The following PRELID2 variants were observed in gnomAD, a reference collection of about 807,000 sequenced individuals.
PRELID2 encodes the protein PRELI domain containing 2, also known as PRELI domain-containing protein 2.
PRELID2 carries 25 observed loss-of-function variants against 28.4 expected under a neutral mutation model. That is an observed-to-expected ratio of 0.88 (90% CI 0.64 to 1.23). PRELID2 has a LOEUF of 1.23. Among genes scored for constraint, PRELID2 ranks in the 50% most tolerant of loss-of-function variants. The pLI is 0.00. For missense variants in PRELID2, 201 were observed against 214.4 expected (o/e 0.94, Z 0.39); for synonymous variants, 76 against 71.6 (o/e 1.06, Z -0.31).
chr5:145,239,107 G>A, the PRELID2 span, among the ~76,000 whole-genome samples: 6 of 151,984 alleles, frequency 3.9e-5, no homozygotes, highest in East Asian at 1.2e-3. Flanking sequence ...TGAGCTCTAC[G>A]AGGGCAAGTA....
the PRELID2 span, among the ~76,000 whole-genome samples, chr5:145,380,844 C>T: frequency 6.6e-6 from 1 of 152,120 alleles, no homozygotes; most frequent in African/African-American, 2.4e-5. Flanking sequence ...TCATCCATAA[C>T]AAAGGGTCTT....
the PRELID2 span, among the ~76,000 whole-genome samples, chr5:145,390,566 C>T: frequency 6.6e-6 from 1 of 152,196 alleles, no homozygotes; most frequent in Non-Finnish European, 1.5e-5. Context: ...CCTCCCACCA[C>T]AGGTGGGGAT....
chr5:145,611,785 T>C (rs1484055628), intron 1 of PRELID2, among the ~76,000 whole-genome samples: 1 of 152,194 alleles, frequency 6.6e-6, no homozygotes, highest in Non-Finnish European at 1.5e-5. Flanking sequence ...TTTGTTGTGG[T>C]AAATGAAATA....
At chr5:145,721,876 A>T (rs1755999997) in intron 1 of PRELID2, among the ~76,000 whole-genome samples, 1 of 152,230 alleles carries the variant, frequency 6.6e-6, no homozygotes, top group Non-Finnish European at 1.5e-5. Flanking sequence ...CTTTAATGTT[A>T]AAATCTGTAA....
the PRELID2 span, among the ~76,000 whole-genome samples, chr5:145,466,407 A>C: frequency 6.6e-6 from 1 of 152,276 alleles, no homozygotes; most frequent in East Asian, 1.9e-4. Context: ...ACTACTTGGA[A>C]ATAGTGATCA....
chr5:145,303,413 C>T, the PRELID2 span, among the ~76,000 whole-genome samples: 4 of 152,154 alleles, frequency 2.6e-5, no homozygotes, highest in South Asian at 4.1e-4. Context: ...GATTTAGAAG[C>T]TTATATTGCT....
intron 1 of PRELID2, among the ~76,000 whole-genome samples, chr5:145,550,778 G>A (rs547965538): frequency 2.7e-4 from 41 of 152,244 alleles, no homozygotes; most frequent in Non-Finnish European, 3.2e-4. Context: ...GGTGTTTTCC[G>A]TTGTAGAGCC....
At chr5:145,742,817 A>G (rs922991707) in intron 1 of PRELID2, among the ~76,000 whole-genome samples, 4 of 151,738 alleles carry the variant, frequency 2.6e-5, no homozygotes, top group African/African-American at 4.8e-5. Context: ...GCTTATTTGA[A>G]AAGATCAATA....
rs1554086392 is a variant in PRELID2, at chr5:145,724,600, A to AATATACATAT, written n.70+40330_70+40331insATATGTATAT. 8.1e-5 allele frequency among the ~76,000 whole-genome samples: 2 copies of AATATACATAT among 24,788 alleles called. 1 individual carries two copies. The highest frequency in any genetic ancestry group is 1.9e-4 in the Non-Finnish European group (2 of 10,506). The allele number at this position is 24,788 out of a possible 152,430, so 16.3% of individuals were successfully genotyped here. A position where few individuals can be genotyped will look rare whatever the true frequency, so the allele number is the denominator to read the frequency against. The stretch of plus-strand genomic sequence containing the variant: ...ACACTGAAATAACAAGAAGTAAATA[A>AATATACATAT]ATATATATATATATATATATATATA... On this transcript the variant is annotated intron_variant and non_coding_transcript_variant, in intron 1 of 2. Coordinates refer to the PRELID2 transcript ENST00000510259.
intron 1 of PRELID2, among the ~76,000 whole-genome samples, chr5:145,489,832 C>T (rs1183364814): frequency 6.6e-6 from 1 of 152,174 alleles, no homozygotes; most frequent in Non-Finnish European, 1.5e-5. Context: ...AGACTTTGCT[C>T]TCTGTCGTTA....
At chr5:145,567,541 C>A (rs938001685) in intron 1 of PRELID2, among the ~76,000 whole-genome samples, 1 of 152,094 alleles carries the variant, frequency 6.6e-6, no homozygotes, top group African/African-American at 2.4e-5. Flanking sequence ...CCACATCTGG[C>A]TAGTTTTTGT....
At chr5:145,395,690 G>A in the PRELID2 span, among the ~76,000 whole-genome samples, 1 of 151,964 alleles carries the variant, frequency 6.6e-6, no homozygotes, top group Non-Finnish European at 1.5e-5. Context: ...CACATTTGTT[G>A]TTATTTTTCT....
intron 1 of PRELID2, among the ~76,000 whole-genome samples, chr5:145,640,665 G>GA (rs1212229711): frequency 6.7e-6 from 1 of 149,396 alleles, no homozygotes. Context: ...AAAAATAGAA[G>GA]AAAAAAAAGA....
chr5:145,525,891 A>G (rs1752602090), intron 1 of PRELID2, among the ~76,000 whole-genome samples: 1 of 152,224 alleles, frequency 6.6e-6, no homozygotes, highest in Admixed American at 6.6e-5. Flanking sequence ...GAAAAAAAGC[A>G]GACTCTGCAG....
At chr5:145,732,555 T>C (rs1206332496) in intron 1 of PRELID2, among the ~76,000 whole-genome samples, 4 of 152,336 alleles carry the variant, frequency 2.6e-5, no homozygotes, top group Non-Finnish European at 5.9e-5. Flanking sequence ...TTGGATATAA[T>C]GTTAAGTAAT....
the PRELID2 span, among the ~76,000 whole-genome samples, chr5:145,336,613 G>A: frequency 6.6e-6 from 1 of 152,042 alleles, no homozygotes; most frequent in African/African-American, 2.4e-5. Context: ...TGAGGGCTCT[G>A]TTCTGTTCCA....
At chr5:145,590,432 T>C (rs1753212269) in intron 1 of PRELID2, among the ~76,000 whole-genome samples, 1 of 152,216 alleles carries the variant, frequency 6.6e-6, no homozygotes, top group Non-Finnish European at 1.5e-5. Flanking sequence ...TTATTTATTG[T>C]TTATCTCTCC....
intron 1 of PRELID2, among the ~76,000 whole-genome samples, chr5:145,586,974 C>T: frequency 6.6e-6 from 1 of 152,064 alleles, no homozygotes; most frequent in Non-Finnish European, 1.5e-5. Context: ...ATAAAATATA[C>T]ACACACGCAC....
the PRELID2 span, among the ~76,000 whole-genome samples, chr5:145,251,188 A>C: frequency 6.6e-6 from 1 of 152,098 alleles, no homozygotes; most frequent in African/African-American, 2.4e-5. Flanking sequence ...CATTATAGGC[A>C]AGGCTCCTTC....
Sources: gnomAD v4.1 joint callset for allele counts (sites outside exome capture counted in the v4.1 genomes callset) on GRCh38, gnomAD v4.1.1 for gene constraint, MANE v1.5 for transcripts, NCBI Gene and HGNC (gene_info 2026-07-23, HGNC 2026-07-21) for gene names.